NTN1: variants seen among roughly 807,000 people sequenced by gnomAD.
NTN1 encodes netrin 1.
A neutral mutation model predicts 54.2 loss-of-function variants in NTN1; 11 were observed. The observed-to-expected ratio is 0.20, with a 90% CI of 0.13 to 0.34. The LOEUF (loss-of-function observed/expected upper bound fraction) is 0.34. NTN1 is among the 10% of genes least tolerant of loss of function. The pLI is 1.00. For missense variants in NTN1, 740 were observed against 893.1 expected, an observed-to-expected ratio of 0.83 and a Z score of 2.18; for synonymous variants, 371 against 382.0, an observed-to-expected ratio of 0.97 and a Z score of 0.33.
intron 2 of NTN1, among the ~76,000 whole-genome samples, chr17:9,106,258 C>A (rs1440376757): frequency 6.6e-6 from 1 of 152,208 alleles, no homozygotes; most frequent in African/African-American, 2.4e-5. Flanking sequence ...ACTCTTGGCA[C>A]TCAGGGTTTG....
intron 2 of NTN1, among the ~76,000 whole-genome samples, chr17:9,087,617 C>A (rs2092094062): frequency 6.6e-6 from 1 of 152,120 alleles, no homozygotes; most frequent in African/African-American, 2.4e-5. Context: ...TCCCACATAC[C>A]AGAGTCCTGG....
chr17:9,119,720 A>T (rs1034566202), intron 2 of NTN1, among the ~76,000 whole-genome samples: 2 of 151,782 alleles, frequency 1.3e-5, no homozygotes, highest in African/African-American at 4.8e-5. Flanking sequence ...CTGGTCTCGA[A>T]CTCCTGGCCT....
chr17:9,186,693 G>A (rs2092434308), intron 5 of NTN1, among the ~76,000 whole-genome samples: 1 of 152,212 alleles, frequency 6.6e-6, no homozygotes, highest in Non-Finnish European at 1.5e-5. Context: ...ACACTCAGGT[G>A]CTACCAGGCC....
At chr17:9,122,675 A>G (rs1567715838) in intron 2 of NTN1, among the ~76,000 whole-genome samples, 1 of 152,226 alleles carries the variant, frequency 6.6e-6, no homozygotes, top group Non-Finnish European at 1.5e-5. Context: ...ATTATAAGAT[A>G]TAGATTAGGA....
intron 5 of NTN1, among the ~76,000 whole-genome samples, chr17:9,190,725 G>A (rs925811784): frequency 5.3e-5 from 8 of 152,134 alleles, no homozygotes; most frequent in African/African-American, 1.9e-4. Context: ...GGTAGTGAGC[G>A]CCTGTAGTCC....
chr17:9,067,321 A>G (rs2092018555), intron 2 of NTN1, among the ~76,000 whole-genome samples: 1 of 151,980 alleles, frequency 6.6e-6, no homozygotes, highest in African/African-American at 2.4e-5. Context: ...AATGTCTCCT[A>G]AGGCTATTAA....
chr17:9,169,859 C>T (rs750691546), intron 3 of NTN1, among the ~76,000 whole-genome samples: 1 of 152,110 alleles, frequency 6.6e-6, no homozygotes, highest in African/African-American at 2.4e-5. Flanking sequence ...GGCGAGACTC[C>T]GTCTCAAAGA....
intron 2 of NTN1, among the ~76,000 whole-genome samples, chr17:9,036,092 C>G (rs574726717): frequency 6.6e-6 from 1 of 152,120 alleles, no homozygotes; most frequent in African/African-American, 2.4e-5. Flanking sequence ...AATTCTTGGG[C>G]TCAAGGGATC....
rs199861842 is a variant in NTN1, at chr17:9,191,974, CAAAA to C, written c.1411+9016_1411+9019del. On this transcript the variant is annotated intron_variant, in intron 5 of 6. Coordinates refer to ENST00000173229, the MANE Select transcript of NTN1 (RefSeq NM_004822.3). ...TGGGTGACAGAGCGAGACCCTGTCT[CAAAA>C]AAAAAAAAAAGTATTAGAGATTAGA... 1.8e-4 allele frequency among the ~76,000 whole-genome samples: 24 copies of C among 132,426 alleles called. No individual in the cohort carries two copies. The East Asian group carries it at 2.4e-3, about 13-fold the overall frequency. The allele number at this position is 132,426 out of a possible 152,430, so 86.9% of individuals were successfully genotyped here.
intron 2 of NTN1, among the ~76,000 whole-genome samples, chr17:9,072,253 T>G (rs2092034445): frequency 6.6e-6 from 1 of 151,510 alleles, no homozygotes; most frequent in Admixed American, 6.6e-5. Context: ...TTGCTGTTTT[T>G]TTTTTTTTTT....
At chr17:9,183,247 G>A (rs1470659673) in intron 5 of NTN1, 1 of 642,138 alleles carries the variant, frequency 1.6e-6, no homozygotes, top group Non-Finnish European at 3.0e-6. Context: ...TTGTCCACCA[G>A]CTGCCCGCCA....
intron 4 of NTN1, among the ~76,000 whole-genome samples, chr17:9,182,351 C>T (rs940717232): frequency 6.6e-6 from 1 of 152,246 alleles, no homozygotes; most frequent in Non-Finnish European, 1.5e-5. Flanking sequence ...TGGATCTGCA[C>T]TCTCAGTCCC....
rs759701475 is a variant in NTN1, at chr17:9,200,065, C to G, written c.1411+17096C>G. Among the ~76,000 whole-genome samples the G allele has an allele frequency of 2.0e-5, 3 of 152,336 alleles. No individual in the cohort carries two copies. In the East Asian group the frequency reaches 5.8e-4, roughly 29 times the overall value. ...CATTGGCTTAACCAGCCAAGCTAACCGGCTAGCCAACCAGCCGGGTGGACG... is the reference window on the plus strand; with the variant it reads ...CATTGGCTTAACCAGCCAAGCTAACGGGCTAGCCAACCAGCCGGGTGGACG... On this transcript the variant is annotated intron_variant, in intron 5 of 6. Transcript: ENST00000173229.
chr17:9,144,711 T>C (rs1190191036), intron 2 of NTN1, among the ~76,000 whole-genome samples: 2 of 152,244 alleles, frequency 1.3e-5, no homozygotes, highest in Non-Finnish European at 2.9e-5. Flanking sequence ...GGCCCCCTCT[T>C]AGCACCTCGC....
chr17:9,226,504 T>G (rs1905564638), intron 6 of NTN1, among the ~76,000 whole-genome samples: 1 of 31,702 alleles, frequency 3.2e-5, no homozygotes, highest in Non-Finnish European at 4.7e-5. Context: ...GGGGAGGTGG[T>G]CTCGTGGGGA....
At chr17:9,146,565 G>A (rs2092313791) in intron 2 of NTN1, among the ~76,000 whole-genome samples, 1 of 152,132 alleles carries the variant, frequency 6.6e-6, no homozygotes, top group Non-Finnish European at 1.5e-5. Flanking sequence ...CCTTCTGCTG[G>A]TTAGCAGGGC....
intron 5 of NTN1, among the ~76,000 whole-genome samples, chr17:9,194,354 C>G (rs1025460213): frequency 1.3e-5 from 2 of 152,188 alleles, no homozygotes; most frequent in African/African-American, 4.8e-5. Flanking sequence ...GGAAAGTGTT[C>G]CCTGTGTGGT....
At chr17:9,161,745 T>C (rs2092357538) in intron 2 of NTN1, among the ~76,000 whole-genome samples, 1 of 152,162 alleles carries the variant, frequency 6.6e-6, no homozygotes, top group Non-Finnish European at 1.5e-5. Context: ...GCCACTGCAC[T>C]CCAGCCTGGG....
chr17:9,095,298 A>G (rs967854349), intron 2 of NTN1, among the ~76,000 whole-genome samples: 9 of 152,210 alleles, frequency 5.9e-5, no homozygotes, highest in African/African-American at 1.9e-4. Context: ...TTACTTTTAT[A>G]TAAGTATTTT....
Sources: gnomAD v4.1 joint callset for allele counts (sites outside exome capture counted in the v4.1 genomes callset) on GRCh38, gnomAD v4.1.1 for gene constraint, MANE v1.5 for transcripts, NCBI Gene and HGNC (gene_info 2026-07-23, HGNC 2026-07-21) for gene names.